The following TAFA2 variants were observed in gnomAD, a reference collection of about 807,000 sequenced individuals.
The protein encoded by TAFA2 is TAFA chemokine like family member 2, also known as chemokine-like protein TAFA-2.
A neutral mutation model predicts 18.8 loss-of-function variants in TAFA2; 7 were observed. That is an observed-to-expected ratio of 0.37 (90% CI 0.21 to 0.70). The LOEUF is 0.70. TAFA2 is among the 30% of genes least tolerant of loss of function. The pLI, the probability that TAFA2 is intolerant of heterozygous loss-of-function variation, is 0.53. For synonymous variants in TAFA2, 60 were observed against 54.2 expected (o/e 1.11, Z -0.47); for missense variants, 122 against 158.1 (o/e 0.77, Z 1.23).
intron 1 of TAFA2, among the ~76,000 whole-genome samples, chr12:62,082,794 A>T (rs1363909698): frequency 6.6e-6 from 1 of 152,246 alleles, no homozygotes; most frequent in Non-Finnish European, 1.5e-5. Context: ...AATTCTGAAG[A>T]ATATTCAATA....
chr12:62,186,685 G>A (rs1374392917), intron 1 of TAFA2, among the ~76,000 whole-genome samples: 5 of 152,072 alleles, frequency 3.3e-5, no homozygotes, highest in African/African-American at 1.2e-4. Context: ...AGCTACTATG[G>A]AGTAACTTAG....
chr12:61,970,163 C>T lies in TAFA2; in HGVS notation c.-1-102737G>A, dbSNP rs184899828. On this transcript the variant is annotated intron_variant, in intron 1 of 4. Coordinates refer to ENST00000416284, the MANE Select transcript of TAFA2 (RefSeq NM_178539.5). ...GAATAAAATATTCTTGTTATTTATTCCTGACACTAAGAGCAAAAAAGAATA... is the reference window on the plus strand; with the variant it reads ...GAATAAAATATTCTTGTTATTTATTTCTGACACTAAGAGCAAAAAAGAATA... 7.3e-5 allele frequency among the ~76,000 whole-genome samples: 11 copies of T among 150,956 alleles called. No homozygotes were observed. In the East Asian group the frequency reaches 2.0e-3, roughly 27 times the overall value.
Position 61,771,749 on chromosome 12 carries a change from T to A in TAFA2, c.107-16725A>T, listed in dbSNP as rs371575659. 3.3e-5 allele frequency among the ~76,000 whole-genome samples: 5 copies of A among 151,866 alleles called. No individual in the cohort carries two copies. In the East Asian group the frequency reaches 9.7e-4, roughly 29 times the overall value. On this transcript the variant is annotated intron_variant, in intron 2 of 4. Coordinates refer to ENST00000416284, the MANE Select transcript of TAFA2 (RefSeq NM_178539.5). ...CACAAGCAGTTCTATGAAAAAAGTT[T>A]GTAGCATTGAATGCCTACATCAAAA...
intron 1 of TAFA2, among the ~76,000 whole-genome samples, chr12:61,978,800 T>C (rs1879527182): frequency 6.6e-6 from 1 of 152,146 alleles, no homozygotes; most frequent in African/African-American, 2.4e-5. Context: ...GTAGCTCATG[T>C]ATCATACTTC....
intron 2 of TAFA2, among the ~76,000 whole-genome samples, chr12:61,849,270 T>C (rs1873540485): frequency 1.3e-5 from 2 of 152,236 alleles, no homozygotes; most frequent in African/African-American, 2.4e-5. Context: ...AGAGGTAATA[T>C]GTTTCACCCA....
At chr12:61,858,368 C>A (rs1397475929) in intron 2 of TAFA2, among the ~76,000 whole-genome samples, 2 of 152,076 alleles carry the variant, frequency 1.3e-5, no homozygotes, top group East Asian at 1.9e-4. Context: ...CCATTTCATT[C>A]TTTTTGATAC....
rs779440808 is a variant in TAFA2 at position 61,867,315 on chromosome 12, C to G, written c.106+5G>C. ...TTAGTTGAAAAAAAAAACAGAAAAG[C>G]TTACCTTTATGATGGTTTGCACTGG... On this transcript the variant is annotated splice_donor_5th_base_variant and intron_variant, in intron 2 of 4. Coordinates refer to ENST00000416284, the MANE Select transcript of TAFA2 (RefSeq NM_178539.5). The G allele has an allele frequency of 1.3e-6, 2 of 1,538,366 alleles. No homozygotes were observed. Among genetic ancestry groups the G allele is most frequent in the South Asian group, 1.2e-5 (1 of 83,730 alleles).
At position 62,169,283 on chromosome 12, in the gene TAFA2, G is replaced by A. The variant is rs1162512837; in HGVS notation, c.-2+21976C>T. 3.9e-5 allele frequency among the ~76,000 whole-genome samples: 6 copies of A among 152,120 alleles called. 1 individual carries two copies. The highest frequency in any genetic ancestry group is 2.6e-4 in the Admixed American group (4 of 15,270). On this transcript the variant is annotated intron_variant, in intron 1 of 4. Transcript: ENST00000416284. Reference sequence around the variant, plus strand: ...TGATCTGGCCAATACCACACATCTAGTAAGCAATGGAGTTAGCACTCCAAT... The same window carrying A: ...TGATCTGGCCAATACCACACATCTAATAAGCAATGGAGTTAGCACTCCAAT...
chr12:61,867,316 T>A lies in TAFA2; in HGVS notation c.106+4A>T. On this transcript the variant is annotated splice_donor_region_variant and intron_variant, in intron 2 of 4. Coordinates refer to ENST00000416284, the MANE Select transcript of TAFA2 (RefSeq NM_178539.5). ...TAGTTGAAAAAAAAAACAGAAAAGC[T>A]TACCTTTATGATGGTTTGCACTGGA... 4.5e-6 allele frequency: 7 copies of A among 1,539,318 alleles called. No individual in the cohort carries two copies. Among genetic ancestry groups the A allele is most frequent in the South Asian group, 1.2e-5 (1 of 83,952 alleles).
At chr12:62,154,182 G>T (rs1245368740) in intron 1 of TAFA2, among the ~76,000 whole-genome samples, 1 of 152,076 alleles carries the variant, frequency 6.6e-6, no homozygotes, top group East Asian at 1.9e-4. Context: ...TGCTGGAGTT[G>T]GTTTAATGAT....
intron 1 of TAFA2, among the ~76,000 whole-genome samples, chr12:62,079,036 G>C (rs1213986360): frequency 6.6e-6 from 1 of 152,166 alleles, no homozygotes; most frequent in Non-Finnish European, 1.5e-5. Context: ...TCCAACTACA[G>C]CCTTTCTTTC....
chr12:61,733,407 T>C (rs943371732), intron 4 of TAFA2, among the ~76,000 whole-genome samples: 7 of 152,148 alleles, frequency 4.6e-5, no homozygotes, highest in African/African-American at 1.7e-4. Flanking sequence ...TGGTTTTAGG[T>C]CTAACGTTTA....
At chr12:62,181,365 G>A (rs1031844798) in intron 1 of TAFA2, among the ~76,000 whole-genome samples, 2 of 152,170 alleles carry the variant, frequency 1.3e-5, no homozygotes, top group African/African-American at 4.8e-5. Context: ...AGAATCAATA[G>A]AAATGAGATA....
chr12:61,730,860 A>G (rs1425272359), intron 4 of TAFA2, among the ~76,000 whole-genome samples: 1 of 152,132 alleles, frequency 6.6e-6, no homozygotes, highest in Non-Finnish European at 1.5e-5. Flanking sequence ...GAAAGCAGGC[A>G]GGGATTTCAG....
intron 1 of TAFA2, among the ~76,000 whole-genome samples, chr12:62,221,052 C>T (rs1264892602): frequency 2.0e-5 from 3 of 151,330 alleles, no homozygotes; most frequent in Admixed American, 6.6e-5. Flanking sequence ...TGCAGTGAGC[C>T]AAGTTTGTGC....
At chr12:61,846,842 TAAA>T (rs916397597) in intron 2 of TAFA2, among the ~76,000 whole-genome samples, 1 of 152,156 alleles carries the variant, frequency 6.6e-6, no homozygotes, top group African/African-American at 2.4e-5. Flanking sequence ...ATTAGTGTGG[TAAA>T]AGGTCTGCAG....
At chr12:62,133,844 G>C (rs1165968147) in intron 1 of TAFA2, among the ~76,000 whole-genome samples, 1 of 152,062 alleles carries the variant, frequency 6.6e-6, no homozygotes, top group Non-Finnish European at 1.5e-5. Flanking sequence ...ATAGGCTTGG[G>C]CTAGCTTCGT....
At chr12:62,169,783 G>A (rs186199284) in intron 1 of TAFA2, among the ~76,000 whole-genome samples, 61 of 150,624 alleles carry the variant, frequency 4.0e-4, no homozygotes, top group African/African-American at 1.2e-3. Flanking sequence ...CCCGGGAGGC[G>A]GAGCTTGCAG....
At chr12:61,880,757 C>T (rs1276518273) in intron 1 of TAFA2, 10 of 374,494 alleles carry the variant, frequency 2.7e-5, no homozygotes, top group Admixed American at 9.0e-5. Flanking sequence ...AGTCCTCTGA[C>T]GTCCTGCCTG....
Sources: gnomAD v4.1 joint callset for allele counts (sites outside exome capture counted in the v4.1 genomes callset) on GRCh38, gnomAD v4.1.1 for gene constraint, MANE v1.5 for transcripts, NCBI Gene and HGNC (gene_info 2026-07-23, HGNC 2026-07-21) for gene names.